MUSK: variants seen among roughly 807,000 people sequenced by gnomAD.
MUSK encodes muscle, skeletal receptor tyrosine-protein kinase.
Under a neutral mutation model 88.7 loss-of-function variants are expected in MUSK, and 55 were observed. The ratio of observed to expected loss-of-function variants is 0.62; its 90% CI spans 0.50 to 0.78. The LOEUF (loss-of-function observed/expected upper bound fraction) is 0.78, where lower values mean the gene tolerates loss of function less well. Ranked by LOEUF, MUSK falls within the 30% of genes least tolerant of loss-of-function variation. The pLI is 0.00. For synonymous variants in MUSK, 387 were observed against 391.9 expected (o/e 0.99, Z 0.15); for missense variants, 1,015 against 1,074.3 (o/e 0.94, Z 0.77).
At chr9:110,747,456 T>TTGAG (rs2077187175) in intron 6 of MUSK, among the ~76,000 whole-genome samples, 185 bp from the exon 7 acceptor site, 5 of 152,328 alleles carry the variant, frequency 3.3e-5, no homozygotes, top group Admixed American at 2.6e-4. Flanking sequence ...ATGCTACTTC[T>TTGAG]TGAGGGAAGA....
chr9:110,744,023 A>C (rs2077138437), intron 6 of MUSK, among the ~76,000 whole-genome samples: 1 of 150,662 alleles, frequency 6.6e-6, no homozygotes. Context: ...GCTGGAGTGC[A>C]GTGGCGCGAT....
chr9:110,690,184 T>C (rs1310454088), intron 3 of MUSK, among the ~76,000 whole-genome samples: 1 of 102,588 alleles, frequency 9.7e-6, no homozygotes, highest in Non-Finnish European at 1.7e-5. Flanking sequence ...AAATATATAT[T>C]TAAGTATATA....
rs779767402 is a variant in MUSK at position 110,687,134 on chromosome 9, A to C, written c.224A>C (p.Tyr75Ser). The change falls in exon 3 of 15, where the codon TAC (tyrosine) becomes TCC (serine). Residue 75 changes from tyrosine to serine, a missense_variant. Coordinates refer to ENST00000374448, the MANE Select transcript of MUSK (RefSeq NM_005592.4). ...ACCTGCAGACTCTTTGACACCCGGT[A>C]CAGCATCCGGGAGAATGGGCAGCTC... Reference protein sequence around the residue: ...KILIKLFDTRYSIRENGQLLT... With the variant: ...KILIKLFDTRSSIRENGQLLT... 2 of 1,613,432 alleles carry C rather than the reference A, an allele frequency of 1.2e-6. No individual in the cohort carries two copies. Among genetic ancestry groups the C allele is most frequent in the South Asian group, 2.2e-5 (2 of 91,052 alleles).
At chr9:110,707,112 G>A (rs765302055) in intron 5 of MUSK, among the ~76,000 whole-genome samples, 1 of 152,152 alleles carries the variant, frequency 6.6e-6, no homozygotes, top group Non-Finnish European at 1.5e-5. Flanking sequence ...TACATTGGAA[G>A]GCCAAGGTAG....
intron 6 of MUSK, among the ~76,000 whole-genome samples, chr9:110,742,144 A>T (rs963470163): frequency 1.3e-5 from 2 of 152,084 alleles, no homozygotes; most frequent in African/African-American, 2.4e-5. Flanking sequence ...TCAAGGGAGT[A>T]TAAAGACATC....
rs369505254 is a variant in MUSK at position 110,672,874 on chromosome 9, T to C, written c.79+3891T>C. On this transcript the variant is annotated intron_variant, in intron 1 of 14. Coordinates refer to ENST00000374448, the MANE Select transcript of MUSK (RefSeq NM_005592.4). ...AAAATACAAAGGAAAGGTAATGTCA[T>C]GTCCTTCTCATCAAGCAGTTGATAT... is the stretch of plus-strand genomic sequence containing the variant. Among the ~76,000 whole-genome samples, 132 of 152,306 alleles carry C rather than the reference T, an allele frequency of 8.7e-4. 3 individuals carry two copies. In the South Asian group the frequency reaches 0.021, roughly 25 times the overall value.
At chr9:110,739,202 C>T (rs1587976237) in intron 6 of MUSK, among the ~76,000 whole-genome samples, 1 of 152,154 alleles carries the variant, frequency 6.6e-6, no homozygotes, top group East Asian at 1.9e-4. Flanking sequence ...ATGAGAAGGA[C>T]TCACAGATTT....
intron 1 of MUSK, among the ~76,000 whole-genome samples, chr9:110,676,644 G>A (rs1253853581): frequency 2.0e-5 from 3 of 151,980 alleles, no homozygotes; most frequent in African/African-American, 4.8e-5. Context: ...AAGTGAAAAC[G>A]TGGTGTTTGC....
At chr9:110,788,536 G>A (rs1480686888) in intron 14 of MUSK, among the ~76,000 whole-genome samples, 2 of 151,820 alleles carry the variant, frequency 1.3e-5, no homozygotes, top group Non-Finnish European at 2.9e-5. Flanking sequence ...GGAGGCTGAG[G>A]CATGAGAATC....
chr9:110,755,497 T>C (rs1337441564), intron 7 of MUSK, among the ~76,000 whole-genome samples: 1 of 152,186 alleles, frequency 6.6e-6, no homozygotes, highest in Non-Finnish European at 1.5e-5. Context: ...TGAGGAATTA[T>C]GCCTTTTAGA....
Position 110,785,017 on chromosome 9 carries a change from G to A in MUSK, c.1586+1G>A. On this transcript the variant is annotated splice_donor_variant, in intron 12 of 14. Transcript: ENST00000374448. LOFTEE classifies it high-confidence loss of function. ...GAAAACAATGGAAAAATAAGAAAAG[G>A]TGAGATTCTAGTTTCAGCTAACCAT... is the stretch of plus-strand genomic sequence containing the variant. 1 of 1,612,990 alleles carries A rather than the reference G, an allele frequency of 6.2e-7. No homozygotes were observed. The highest frequency in any genetic ancestry group is 8.5e-7 in the Non-Finnish European group (1 of 1,179,362).
intron 7 of MUSK, among the ~76,000 whole-genome samples, chr9:110,751,574 A>T (rs1395234501): frequency 1.3e-5 from 2 of 152,214 alleles, no homozygotes; most frequent in Non-Finnish European, 2.9e-5. Context: ...TTATCTCTGT[A>T]GGAATAATGG....
chr9:110,799,723 G>A (rs1484195248), intron 14 of MUSK, among the ~76,000 whole-genome samples: 8 of 152,142 alleles, frequency 5.3e-5, no homozygotes, highest in Admixed American at 2.6e-4. Context: ...GTGCTAAAAC[G>A]TTGGGGAGAA....
At position 110,784,122 on chromosome 9, in the gene MUSK, T is replaced by C. The variant is rs531196157; in HGVS notation, c.1385-693T>C. ...TTCTTAGCTATTAAAACATTGTTGCTGATTATTTTAAAATACTCTGTATCC... is the reference window on the plus strand; with the variant it reads ...TTCTTAGCTATTAAAACATTGTTGCCGATTATTTTAAAATACTCTGTATCC... On this transcript the variant is annotated intron_variant, in intron 11 of 14. Coordinates refer to ENST00000374448, the MANE Select transcript of MUSK (RefSeq NM_005592.4). Among the ~76,000 whole-genome samples, 28 of 152,254 alleles carry C rather than the reference T, an allele frequency of 1.8e-4. No homozygotes were observed. In the South Asian group the frequency reaches 5.6e-3, roughly 30 times the overall value.
At chr9:110,768,202 A>C in intron 9 of MUSK, 119 bp downstream of exon 9, 1 of 1,091,064 alleles carries the variant, frequency 9.2e-7, no homozygotes, top group East Asian at 2.4e-5. Context: ...TTTCATCCAA[A>C]ATAGGAGGTT....
At chr9:110,701,971 C>T (rs2076533970) in intron 5 of MUSK, among the ~76,000 whole-genome samples, 1 of 147,804 alleles carries the variant, frequency 6.8e-6, no homozygotes, top group African/African-American at 2.5e-5. Flanking sequence ...TGGTCTCAAA[C>T]TCCTCAAGCA....
Position 110,805,894 on chromosome 9 carries a change from G to A in MUSK, c.*4906G>A, listed in dbSNP as rs188006234. Among the ~76,000 whole-genome samples the A allele has an allele frequency of 2.8e-3, 422 of 151,736 alleles. 2 individuals are homozygous for A. Among genetic ancestry groups the A allele is most frequent in the African/African-American group, 9.6e-3 (399 of 41,404 alleles). On this transcript the variant is annotated 3_prime_UTR_variant, in exon 15 of 15. Coordinates refer to ENST00000374448, the MANE Select transcript of MUSK (RefSeq NM_005592.4). ...TTCATCTCTGTTAGAGTTTTGTATT[G>A]GCATTAGCATTTGTATTAGCATTGT...
At chr9:110,671,024 T>C (rs1267212159) in intron 1 of MUSK, among the ~76,000 whole-genome samples, 1 of 152,166 alleles carries the variant, frequency 6.6e-6, no homozygotes, top group East Asian at 1.9e-4. Context: ...CAGGCTGCAG[T>C]GCAGTGGTGT....
intron 5 of MUSK, among the ~76,000 whole-genome samples, chr9:110,699,253 A>C (rs1003552491): frequency 3.9e-5 from 6 of 152,130 alleles, no homozygotes; most frequent in African/African-American, 1.2e-4. Context: ...AATATATGCT[A>C]GAGATAGTAT....
Sources: allele counts gnomAD v4.1 joint callset (sites outside exome capture counted in the v4.1 genomes callset), GRCh38; gene constraint gnomAD v4.1.1; transcripts MANE v1.5; gene names NCBI Gene and HGNC (gene_info 2026-07-23, HGNC 2026-07-21).